The following CEP70 variants were observed in gnomAD, a reference collection of about 807,000 sequenced individuals.
CEP70 encodes centrosomal protein of 70 kDa.
CEP70 carries 70 observed loss-of-function variants against 90.9 expected under a neutral mutation model. That is an observed-to-expected ratio of 0.77 (90% CI 0.64 to 0.94). CEP70 has a LOEUF of 0.94. Among genes scored for constraint, CEP70 ranks in the 40% least tolerant of loss-of-function variants. The pLI is 0.00. For synonymous variants in CEP70, 220 were observed against 228.3 expected, an observed-to-expected ratio of 0.96 and a Z score of 0.33; for missense variants, 648 against 669.0, an observed-to-expected ratio of 0.97 and a Z score of 0.35.
chr3:138,550,834 T>C (rs2039562227), intron 6 of CEP70, among the ~76,000 whole-genome samples: 1 of 152,074 alleles, frequency 6.6e-6, no homozygotes, highest in Admixed American at 6.5e-5. Context: ...AGAAAAAGAA[T>C]AAAAGAAAAT....
chr3:138,520,607 C>T (rs1426696435), intron 11 of CEP70, among the ~76,000 whole-genome samples: 12 of 152,160 alleles, frequency 7.9e-5, no homozygotes, highest in Non-Finnish European at 1.0e-4. Flanking sequence ...AAAATGAAGG[C>T]AGAAATAAAG....
intron 11 of CEP70, among the ~76,000 whole-genome samples, chr3:138,517,648 G>A (rs534742978): frequency 3.7e-4 from 56 of 152,300 alleles, no homozygotes; most frequent in African/African-American, 1.2e-3. Context: ...CAGCATGGGC[G>A]ACAGAGCAAG....
intron 6 of CEP70, among the ~76,000 whole-genome samples, chr3:138,537,742 G>A (rs2107817514): frequency 6.6e-6 from 1 of 152,224 alleles, no homozygotes. Flanking sequence ...CATGCAATGT[G>A]GGTGACTGCA....
At chr3:138,562,452 C>T (rs2040480344) in intron 6 of CEP70, among the ~76,000 whole-genome samples, 2 of 152,040 alleles carry the variant, frequency 1.3e-5, no homozygotes, top group Non-Finnish European at 2.9e-5. Context: ...TTAAGGGCAG[C>T]CAGAGAAAAA....
intron 11 of CEP70, 55 bp downstream of exon 11, chr3:138,525,435 T>A (rs2037126724): frequency 1.6e-6 from 1 of 632,586 alleles, no homozygotes; most frequent in Non-Finnish European, 2.5e-6. Flanking sequence ...TAAAAATAAA[T>A]AAATAAAATA....
At chr3:138,560,310 G>A (rs2040311332) in intron 6 of CEP70, among the ~76,000 whole-genome samples, 1 of 152,126 alleles carries the variant, frequency 6.6e-6, no homozygotes, top group Non-Finnish European at 1.5e-5. Context: ...ACTGTGCCGT[G>A]AGGAACAGTG....
At chr3:138,497,863 A>G in intron 17 of CEP70, 168 bp downstream of exon 17, 1 of 985,426 alleles carries the variant, frequency 1.0e-6, no homozygotes, top group South Asian at 4.7e-5. Flanking sequence ...TGTTCTATGG[A>G]CTAATCCAAA....
intron 6 of CEP70, among the ~76,000 whole-genome samples, chr3:138,554,427 C>T (rs374518236): frequency 4.6e-5 from 7 of 152,228 alleles, no homozygotes; most frequent in African/African-American, 1.4e-4. Context: ...TGCCTACTCT[C>T]ACCACTTCTA....
At chr3:138,551,052 C>G (rs1940894044) in intron 6 of CEP70, among the ~76,000 whole-genome samples, 1 of 152,086 alleles carries the variant, frequency 6.6e-6, no homozygotes, top group African/African-American at 2.4e-5. Flanking sequence ...AAAAGATTGC[C>G]TAGGCACATT....
chr3:138,498,691 A>G (rs1289429345), intron 16 of CEP70, among the ~76,000 whole-genome samples: 7 of 152,088 alleles, frequency 4.6e-5, no homozygotes, highest in Non-Finnish European at 7.4e-5. Context: ...TTCTTAGATC[A>G]TGCTTTTACA....
chr3:138,529,966 A>G (rs2037661810), intron 8 of CEP70, among the ~76,000 whole-genome samples: 1 of 152,236 alleles, frequency 6.6e-6, no homozygotes, highest in Non-Finnish European at 1.5e-5. Context: ...TAGTTGTATT[A>G]TTTGAATAAG....
chr3:138,523,008 T>A (rs2036827243), intron 11 of CEP70, among the ~76,000 whole-genome samples: 1 of 152,132 alleles, frequency 6.6e-6, no homozygotes, highest in Admixed American at 6.5e-5. Flanking sequence ...CAGCAGCACA[T>A]CAAAAAGCTT....
intron 11 of CEP70, among the ~76,000 whole-genome samples, chr3:138,524,606 T>C (rs1018813610): frequency 5.3e-5 from 8 of 152,242 alleles, no homozygotes; most frequent in South Asian, 2.1e-4. Flanking sequence ...GGGCAAAGGA[T>C]ATGAACAGAC....
At chr3:138,544,554 T>C (rs2039040517) in intron 6 of CEP70, among the ~76,000 whole-genome samples, 1 of 151,616 alleles carries the variant, frequency 6.6e-6, no homozygotes, top group Admixed American at 6.6e-5. Context: ...TGTGTGTGTA[T>C]ATATATACAC....
At chr3:138,554,745 T>C (rs952232538) in intron 6 of CEP70, among the ~76,000 whole-genome samples, 2 of 152,216 alleles carry the variant, frequency 1.3e-5, no homozygotes, top group African/African-American at 4.8e-5. Context: ...TACTTAAGAA[T>C]ATACCTAACC....
At chr3:138,546,752 ACAAAT>A (rs1432725641) in intron 6 of CEP70, among the ~76,000 whole-genome samples, 1 of 147,650 alleles carries the variant, frequency 6.8e-6, no homozygotes, top group Non-Finnish European at 1.5e-5. Flanking sequence ...CCATCTCAAA[ACAAAT>A]CAACAAATAA....
At chr3:138,588,630 G>A (rs1201635950) in intron 2 of CEP70, among the ~76,000 whole-genome samples, 2 of 152,202 alleles carry the variant, frequency 1.3e-5, no homozygotes, top group African/African-American at 4.8e-5. Context: ...ATATACTGCC[G>A]ACGGGAATTT....
At chr3:138,501,881 C>T (rs577593178) in intron 13 of CEP70, among the ~76,000 whole-genome samples, 15 of 152,278 alleles carry the variant, frequency 9.9e-5, no homozygotes, top group South Asian at 2.1e-4. Context: ...TTCTGAATTT[C>T]GGATTTTTGG....
rs747590757 is a variant in CEP70, at chr3:138,500,383, C to G, written c.1537+16G>C. ...ATTCTTAAATGGGGGCCCAAAATGA[C>G]AAATTAGGTCATCACCTAATTCTAA... On this transcript the variant is annotated intron_variant, in intron 15 of 17. Coordinates refer to ENST00000264982, the MANE Select transcript of CEP70 (RefSeq NM_024491.4). 4.5e-6 allele frequency: 7 copies of G among 1,561,540 alleles called. No individual in the cohort carries two copies. The highest frequency in any genetic ancestry group is 6.0e-6 in the Non-Finnish European group (7 of 1,160,076).
Sources: gnomAD v4.1 joint callset for allele counts (sites outside exome capture counted in the v4.1 genomes callset) on GRCh38, gnomAD v4.1.1 for gene constraint, MANE v1.5 for transcripts, NCBI Gene and HGNC (gene_info 2026-07-23, HGNC 2026-07-21) for gene names.